PARD3: variants seen among roughly 807,000 people sequenced by gnomAD.
PARD3 encodes the protein partitioning defective 3 homolog.
A neutral mutation model predicts 155.4 loss-of-function variants in PARD3; 75 were observed. The observed-to-expected ratio is 0.48, with a 90% CI of 0.40 to 0.58. The LOEUF (loss-of-function observed/expected upper bound fraction) is 0.58. PARD3 is among the 20% of genes least tolerant of loss of function. The pLI is 0.00. For missense variants in PARD3, 1,642 were observed against 1,721.7 expected (o/e 0.95, Z 0.82); for synonymous variants, 576 against 610.5 (o/e 0.94, Z 0.83).
chr10:34,299,672 C>T (rs1399677117), intron 20 of PARD3, among the ~76,000 whole-genome samples: 1 of 152,082 alleles, frequency 6.6e-6, no homozygotes, highest in African/African-American at 2.4e-5. Context: ...ATAATAAGAC[C>T]TGCATGGATA....
At chr10:34,300,317 A>C (rs1957088135) in intron 20 of PARD3, among the ~76,000 whole-genome samples, 1 of 152,238 alleles carries the variant, frequency 6.6e-6, no homozygotes, top group South Asian at 2.1e-4. Flanking sequence ...ATTATGTGTT[A>C]TAATGGTTAA....
chr10:34,632,663 A>G (rs757362661), intron 2 of PARD3, among the ~76,000 whole-genome samples: 2 of 152,220 alleles, frequency 1.3e-5, no homozygotes, highest in African/African-American at 2.4e-5. Context: ...CTAAAAATGT[A>G]TATTTTGAAA....
intron 21 of PARD3, among the ~76,000 whole-genome samples, chr10:34,279,179 C>T (rs1469062982): frequency 3.8e-5 from 5 of 130,070 alleles, no homozygotes; most frequent in African/African-American, 1.2e-4. Flanking sequence ...CAAGCTCTCA[C>T]TCTGTCACAA....
At chr10:34,581,573 T>G (rs943445455) in intron 2 of PARD3, among the ~76,000 whole-genome samples, 1 of 152,146 alleles carries the variant, frequency 6.6e-6, no homozygotes, top group Non-Finnish European at 1.5e-5. Context: ...TAAAAACCAT[T>G]GCACAGAGTT....
chr10:34,355,216 C>T (rs1589282777), intron 14 of PARD3, among the ~76,000 whole-genome samples: 1 of 152,098 alleles, frequency 6.6e-6, no homozygotes, highest in Non-Finnish European at 1.5e-5. Context: ...GTGGTCCCAG[C>T]TACTAGGGAG....
intron 5 of PARD3, among the ~76,000 whole-genome samples, chr10:34,447,545 G>A (rs1005262450): frequency 7.5e-6 from 1 of 133,488 alleles, no homozygotes; most frequent in African/African-American, 2.8e-5. Flanking sequence ...GCTCACACCT[G>A]CAATCCCAGC....
At chr10:34,760,624 C>G (rs560645540) in intron 1 of PARD3, among the ~76,000 whole-genome samples, 2 of 152,334 alleles carry the variant, frequency 1.3e-5, no homozygotes, top group East Asian at 3.9e-4. Context: ...GTGCACTGTG[C>G]CCAGCCCCAT....
Position 34,366,275 on chromosome 10 carries a change from T to A in PARD3, c.1708-6016A>T, listed in dbSNP as rs550618018. ...ATTAGATAAGATATTCAACACTTTA[T>A]TGTAAAATAACTTTGTGTTAATTAT... is the stretch of plus-strand genomic sequence containing the variant. On this transcript the variant is annotated intron_variant, in intron 12 of 24. Coordinates refer to ENST00000374788, the MANE Select transcript of PARD3 (RefSeq NM_001184785.2). Among the ~76,000 whole-genome samples the A allele has an allele frequency of 2.6e-4, 39 of 152,352 alleles. No individual in the cohort carries two copies. The South Asian group carries it at 6.0e-3, about 23-fold the overall frequency.
At chr10:34,436,073 A>C (rs1207319377) in intron 5 of PARD3, among the ~76,000 whole-genome samples, 2 of 152,230 alleles carry the variant, frequency 1.3e-5, no homozygotes, top group Non-Finnish European at 2.9e-5. Context: ...CAAATACGAA[A>C]TTTAGAATAT....
intron 4 of PARD3, among the ~76,000 whole-genome samples, chr10:34,460,131 T>TA (rs1481516554): frequency 6.6e-6 from 1 of 152,202 alleles, no homozygotes; most frequent in African/African-American, 2.4e-5. Context: ...CACAAACTTC[T>TA]AAAGAACTGA....
At chr10:34,113,223 C>T (rs765287340) in intron 24 of PARD3, among the ~76,000 whole-genome samples, 41 of 152,098 alleles carry the variant, frequency 2.7e-4, no homozygotes, top group Non-Finnish European at 5.1e-4. Context: ...TCCACCAACC[C>T]CCTTCCTCCC....
At chr10:34,679,325 G>A (rs1440438502) in intron 2 of PARD3, among the ~76,000 whole-genome samples, 1 of 152,138 alleles carries the variant, frequency 6.6e-6, no homozygotes, top group Non-Finnish European at 1.5e-5. Flanking sequence ...CAGGCCGGAG[G>A]TAGTTTGTCA....
chr10:34,718,525 T>G (rs1428992633), intron 1 of PARD3, among the ~76,000 whole-genome samples: 1 of 151,892 alleles, frequency 6.6e-6, no homozygotes, highest in Admixed American at 6.6e-5. Context: ...CCAGGCATGG[T>G]GGTGCATGCC....
chr10:34,442,626 C>T (rs773966), intron 5 of PARD3, among the ~76,000 whole-genome samples: 90,348 of 152,016 alleles, frequency 0.59, 27,694 homozygotes, highest in Middle Eastern at 0.68. Context: ...CCCAGTACTT[C>T]GGGAGGCTAA....
At position 34,395,559 on chromosome 10, in the gene PARD3, C is replaced by T. The variant is rs566946802; in HGVS notation, c.890+3771G>A. 2.6e-4 allele frequency among the ~76,000 whole-genome samples: 8 copies of T among 30,934 alleles called. 2 individuals carry two copies. Among genetic ancestry groups the T allele is most frequent in the Non-Finnish European group, 3.6e-4 (7 of 19,260 alleles). The allele number at this position is 30,934 out of a possible 152,430, so 20.3% of individuals were successfully genotyped here. On this transcript the variant is annotated intron_variant, in intron 7 of 24. Coordinates refer to ENST00000374788, the MANE Select transcript of PARD3 (RefSeq NM_001184785.2). Reference sequence around the variant, plus strand: ...ATAACTCAAGAAAAACATCATCGGCCGGGCGCGGTGGCTCACGCCTGTAAT... The same window carrying T: ...ATAACTCAAGAAAAACATCATCGGCTGGGCGCGGTGGCTCACGCCTGTAAT...
At chr10:34,126,948 A>AG (rs1245165445) in intron 23 of PARD3, among the ~76,000 whole-genome samples, 1 of 152,210 alleles carries the variant, frequency 6.6e-6, no homozygotes, top group East Asian at 1.9e-4. Context: ...AATACAAGCC[A>AG]AGTTGTCTGT....
intron 3 of PARD3, among the ~76,000 whole-genome samples, chr10:34,511,302 G>A (rs1589827893): frequency 2.6e-5 from 4 of 152,048 alleles, no homozygotes; most frequent in African/African-American, 9.7e-5. Context: ...TTCATCAGGA[G>A]GCATACAATG....
intron 2 of PARD3, among the ~76,000 whole-genome samples, chr10:34,667,959 G>C (rs1590529961): frequency 6.6e-6 from 1 of 152,150 alleles, no homozygotes; most frequent in East Asian, 1.9e-4. Context: ...TTAAACTAGG[G>C]GAAGAGGAGG....
intron 3 of PARD3, among the ~76,000 whole-genome samples, chr10:34,481,064 A>C (rs2079055270): frequency 6.6e-6 from 1 of 152,008 alleles, no homozygotes; most frequent in Non-Finnish European, 1.5e-5. Flanking sequence ...AGCCTCCCAA[A>C]GTGCTGGGGT....
Sources: allele counts gnomAD v4.1 joint callset (sites outside exome capture counted in the v4.1 genomes callset), GRCh38; gene constraint gnomAD v4.1.1; transcripts MANE v1.5; gene names NCBI Gene and HGNC (gene_info 2026-07-23, HGNC 2026-07-21).